Variants in DHRS1 observed in about 807,000 individuals in gnomAD.
DHRS1 encodes dehydrogenase/reductase 1, also known as dehydrogenase/reductase SDR family member 1.
DHRS1 carries 34 observed loss-of-function variants against 35.2 expected under a neutral mutation model. The observed-to-expected ratio is 0.97, with a 90% CI of 0.74 to 1.29. The LOEUF (loss-of-function observed/expected upper bound fraction) is 1.29, where lower values mean the gene tolerates loss of function less well. Ranked by LOEUF, DHRS1 falls within the 50% of genes most tolerant of loss-of-function variation. DHRS1 has a pLI of 0.00. For synonymous variants in DHRS1, 133 were observed against 160.0 expected (o/e 0.83, Z 1.27); for missense variants, 354 against 403.6 (o/e 0.88, Z 1.05).
intron 8 of DHRS1, 44 bp downstream of exon 8, chr14:24,291,095 G>A: frequency 6.2e-7 from 1 of 1,613,416 alleles, no homozygotes; most frequent in South Asian, 1.1e-5. Flanking sequence ...GCAGGGAACA[G>A]AGGGAACAGC....
At position 24,299,638 on chromosome 14, in the gene DHRS1, G is replaced by C. The variant is rs920959757; in HGVS notation, c.-82C>G. 3.1e-6 allele frequency: 1 copy of C among 324,230 alleles called. No individual in the cohort carries two copies. Among genetic ancestry groups the C allele is most frequent in the Non-Finnish European group, 5.7e-6 (1 of 176,192 alleles). The allele number at this position is 324,230 out of a possible 1,614,324, so 20.1% of individuals were successfully genotyped here. A position where few individuals can be genotyped will look rare whatever the true frequency, so the allele number is the denominator to read the frequency against. On this transcript the variant is annotated 5_prime_UTR_variant, in exon 1 of 9. Transcript: ENST00000288111. The stretch of plus-strand genomic sequence containing the variant: ...TTGCGGGGCTGCGGTGGAAGTCTGG[G>C]TTCTCGCCCAGATTGAGCCGGCGAC...
chr14:24,290,735 C>T lies in DHRS1; in HGVS notation c.*124G>A, dbSNP rs2041143225. 3 of 1,279,428 alleles carry T rather than the reference C, an allele frequency of 2.3e-6. No homozygotes were observed. The highest frequency in any genetic ancestry group is 3.3e-6 in the Non-Finnish European group (3 of 902,966). The allele number at this position is 1,279,428 out of a possible 1,614,324, so 79.3% of individuals were successfully genotyped here. On this transcript the variant is annotated 3_prime_UTR_variant, in exon 9 of 9. Coordinates refer to ENST00000288111, the MANE Select transcript of DHRS1 (RefSeq NM_001136050.3). ...CCCAGAACTCACCACGGACACACAG[C>T]AGAGGGCTTCTCTTCATATCAAGGG...
At position 24,291,223 on chromosome 14, in the gene DHRS1, C is replaced by T. The variant is rs368276525; in HGVS notation, c.725-4G>A. The T allele has an allele frequency of 2.1e-5, 34 of 1,613,858 alleles. No homozygotes were observed. In the African/African-American group the frequency reaches 2.9e-4, roughly 14 times the overall value. The stretch of plus-strand genomic sequence containing the variant: ...CTCAGGCTCAGGATATTGGGATCTG[C>T]GGGCACACAGACAGGTGGAGATGGC... On this transcript the variant is annotated splice_region_variant and splice_polypyrimidine_tract_variant and intron_variant, in intron 7 of 8. Transcript: ENST00000288111.
At chr14:24,296,679 T>C in intron 3 of DHRS1, 59 bp downstream of exon 3, 1 of 1,613,504 alleles carries the variant, frequency 6.2e-7, no homozygotes, top group South Asian at 1.1e-5. Flanking sequence ...GGGATGAAGA[T>C]GCAGGGGTCT....
intron 4 of DHRS1, chr14:24,293,048 CAA>C (rs577803444): frequency 1.4e-3 from 605 of 439,042 alleles, no homozygotes; most frequent in Non-Finnish European, 2.1e-3. Flanking sequence ...CAATTACAAA[CAA>C]AATTGTTCAG....
Position 24,296,777 on chromosome 14 carries a change from A to G in DHRS1, c.255T>C (p.Arg85=), listed in dbSNP as rs1249153083. The stretch of plus-strand genomic sequence containing the variant: ...AAGCATTGTTGACCAGCACATCTAG[A>G]CGCCCTTGCTGTTCCCGATCCACTT... ...FEQVDREQQG[R]LDVLVNNAYA... is the part of the protein sequence containing the mutation. The change falls in exon 3 of 9, where the codon CGT becomes CGC. Residue 85 remains arginine (R), a synonymous_variant. Transcript: ENST00000288111. 1.2e-6 allele frequency: 2 copies of G among 1,614,164 alleles called. No homozygotes were observed. Among genetic ancestry groups the G allele is most frequent in the Non-Finnish European group, 1.7e-6 (2 of 1,180,022 alleles).
chr14:24,294,712 A>G (rs1714098607), intron 4 of DHRS1: 5 of 152,260 alleles, frequency 3.3e-5, no homozygotes, highest in Admixed American at 3.3e-4. Flanking sequence ...CATTTGTTTC[A>G]CAGTGATCTC....
At chr14:24,291,713 AAAAGACC>A in intron 6 of DHRS1, 88 bp from the exon 7 acceptor site, 4 of 1,407,596 alleles carry the variant, frequency 2.8e-6, no homozygotes, top group Non-Finnish European at 4.0e-6. Flanking sequence ...TTCCAGGAGA[AAAAGACC>A]AAAGACCAAA....
rs943921243 is a variant in DHRS1 at position 24,292,676 on chromosome 14, G to C, written c.483C>G (p.Val161=). The change falls in exon 5 of 9, where the codon GTC becomes GTG. Residue 161 remains valine, a synonymous_variant. Transcript: ENST00000288111. ...SPGSLQYMFN[V]PYGVGKAACD... ...CCGCAGCTTTGCCCACACCATAGGG[G>C]ACATTGAACATATACTGCAGGCTTC... 1 of 1,614,096 alleles carries C rather than the reference G, an allele frequency of 6.2e-7. No individual in the cohort carries two copies. Among genetic ancestry groups the C allele is most frequent in the Non-Finnish European group, 8.5e-7 (1 of 1,180,042 alleles).
At chr14:24,292,040 A>G in intron 6 of DHRS1, 144 bp downstream of exon 6, 1 of 1,051,394 alleles carries the variant, frequency 9.5e-7, no homozygotes, top group Non-Finnish European at 1.4e-6. Context: ...CCCTTACAGG[A>G]TTAAAGGAAA....
Position 24,290,724 on chromosome 14 carries a change from C to T in DHRS1, c.*135G>A, listed in dbSNP as rs1406939604. 28 of 1,167,594 alleles carry T rather than the reference C, an allele frequency of 2.4e-5. No individual in the cohort carries two copies. Among genetic ancestry groups the T allele is most frequent in the Non-Finnish European group, 2.8e-5 (23 of 812,580 alleles). 72.3% of individuals were successfully genotyped at this position (1,167,594 alleles called of 1,614,324 possible). A position where few individuals can be genotyped will look rare whatever the true frequency, so the allele number is the denominator to read the frequency against. ...CCTAGGCGCACCCCAGAACTCACCA[C>T]GGACACACAGCAGAGGGCTTCTCTT... On this transcript the variant is annotated 3_prime_UTR_variant, in exon 9 of 9. Transcript: ENST00000288111.
At chr14:24,293,938 A>G (rs2041205153) in intron 4 of DHRS1, 1 of 152,256 alleles carries the variant, frequency 6.6e-6, no homozygotes, top group Admixed American at 6.5e-5. Context: ...ATAATTAGAT[A>G]CAAGTGTATG....
intron 4 of DHRS1, among the ~76,000 whole-genome samples, chr14:24,295,296 T>A (rs775972907): frequency 6.6e-6 from 1 of 152,160 alleles, no homozygotes; most frequent in Non-Finnish European, 1.5e-5. Context: ...ATTATACTGG[T>A]CTTCAGATTT....
At position 24,292,300 on chromosome 14, in the gene DHRS1, C is replaced by G; in HGVS notation, c.538G>C (p.Glu180Gln). The G allele has an allele frequency of 6.2e-7, 1 of 1,614,018 alleles. No individual in the cohort carries two copies. Among genetic ancestry groups the G allele is most frequent in the Middle Eastern group, 1.6e-4 (1 of 6,062 alleles). Reference protein sequence around the residue: ...CDKLAADCAHELRRHGVSCVS... With the variant: ...CDKLAADCAHQLRRHGVSCVS... ...CAGCTGACCCCATGGCGCCGCAGCT[C>G]GTGGGCACAGTCAGCAGCCAGCTTG... is the stretch of plus-strand genomic sequence containing the variant. The change falls in exon 6 of 9, where the codon GAG becomes CAG. Residue 180 changes from glutamate (E) to glutamine (Q), a missense_variant. By Grantham distance (29) the Glu-to-Gln change is conservative (BLOSUM62 2). Coordinates refer to ENST00000288111, the MANE Select transcript of DHRS1 (RefSeq NM_001136050.3).
intron 6 of DHRS1, 116 bp from the exon 7 acceptor site, chr14:24,291,741 A>G: frequency 8.9e-7 from 1 of 1,124,130 alleles, no homozygotes; most frequent in Non-Finnish European, 1.3e-6. Context: ...GAGGCCAAAG[A>G]CCTCAAGCAG....
rs1412078806 is a variant in DHRS1, at chr14:24,296,574, G to T, written c.309C>A (p.Thr103=). 1 of 1,614,134 alleles carries T rather than the reference G, an allele frequency of 6.2e-7. No individual in the cohort carries two copies. Residue 103 remains threonine (T), a synonymous_variant, in exon 4 of 9, where the codon ACC becomes ACA. Coordinates refer to ENST00000288111, the MANE Select transcript of DHRS1 (RefSeq NM_001136050.3). ...GGGTTTCCCAGAATGCCTTATTCCTGGTGTTCAGGATCGTCTGGAAGGCAC... is the reference window on the plus strand; with the variant it reads ...GGGTTTCCCAGAATGCCTTATTCCTTGTGTTCAGGATCGTCTGGAAGGCAC... ...AYAGVQTILN[T]RNKAFWETPA...
rs762312070 is a variant in DHRS1 at position 24,292,697 on chromosome 14, G to C, written c.462C>G (p.Ser154Arg). The change falls in exon 5 of 9, where the codon AGC (serine) becomes AGG (arginine). Residue 154 changes from serine (S) to arginine (R), a missense_variant. Transcript: ENST00000288111. ...GLIVVISSPGSLQYMFNVPYG... is the reference protein window; with the variant it reads ...GLIVVISSPGRLQYMFNVPYG... ...AGGGGACATTGAACATATACTGCAG[G>C]CTTCCTGGGGAGGAGATGACCACGA... 6.2e-7 allele frequency: 1 copy of C among 1,614,190 alleles called. No homozygotes were observed. Among genetic ancestry groups the C allele is most frequent in the East Asian group, 2.2e-5 (1 of 44,892 alleles).
intron 4 of DHRS1, among the ~76,000 whole-genome samples, chr14:24,295,526 T>C (rs1455744469): frequency 6.6e-6 from 1 of 152,144 alleles, no homozygotes; most frequent in Non-Finnish European, 1.5e-5. Flanking sequence ...TCAAGGGGCC[T>C]TTACCTTGGA....
At chr14:24,298,262 G>C (rs1458404396) in intron 2 of DHRS1, among the ~76,000 whole-genome samples, 2 of 152,176 alleles carry the variant, frequency 1.3e-5, no homozygotes, top group African/African-American at 4.8e-5. Flanking sequence ...ATGTTGCCCA[G>C]ACTGGTCTCC....
Sources: allele counts gnomAD v4.1 joint callset (sites outside exome capture counted in the v4.1 genomes callset), GRCh38; gene constraint gnomAD v4.1.1; transcripts MANE v1.5; gene names NCBI Gene and HGNC (gene_info 2026-07-23, HGNC 2026-07-21).